ARHGAP15: variants seen among roughly 807,000 people sequenced by gnomAD.
The protein encoded by ARHGAP15 is rho GTPase-activating protein 15.
A neutral mutation model predicts 63.7 loss-of-function variants in ARHGAP15; 51 were observed. The ratio of observed to expected loss-of-function variants is 0.80; its 90% CI spans 0.64 to 1.01. The LOEUF is 1.01. ARHGAP15 is among the 50% of genes least tolerant of loss of function. The pLI is 0.00. For missense variants in ARHGAP15, 560 were observed against 564.6 expected (o/e 0.99, Z 0.08); for synonymous variants, 191 against 193.8 (o/e 0.99, Z 0.12).
intron 6 of ARHGAP15, among the ~76,000 whole-genome samples, chr2:143,361,172 A>C (rs145474598): frequency 0.012 from 1,762 of 152,308 alleles, 10 homozygotes; most frequent in Middle Eastern, 0.031. Flanking sequence ...CAAGCAAAAA[A>C]AAATTTTTTT....
intron 11 of ARHGAP15, among the ~76,000 whole-genome samples, chr2:143,620,549 GTTTA>G (rs1035253292): frequency 6.6e-6 from 1 of 152,080 alleles, no homozygotes; most frequent in African/African-American, 2.4e-5. Flanking sequence ...TGCAATTACT[GTTTA>G]TTTGCCTTTT....
chr2:143,382,962 A>C (rs1421556303), intron 6 of ARHGAP15, among the ~76,000 whole-genome samples: 1 of 152,194 alleles, frequency 6.6e-6, no homozygotes, highest in Non-Finnish European at 1.5e-5. Flanking sequence ...TCCTGACTTG[A>C]GAAAAGAAAA....
intron 8 of ARHGAP15, among the ~76,000 whole-genome samples, chr2:143,484,583 A>T (rs1418266159): frequency 1.3e-5 from 2 of 152,122 alleles, no homozygotes; most frequent in African/African-American, 4.8e-5. Flanking sequence ...CACAGGCCAT[A>T]TACATGTTAT....
intron 6 of ARHGAP15, among the ~76,000 whole-genome samples, chr2:143,417,886 A>C (rs1204277990): frequency 6.6e-6 from 1 of 152,238 alleles, no homozygotes; most frequent in African/African-American, 2.4e-5. Context: ...TTGTTTATGA[A>C]GAGTTTATAG....
intron 8 of ARHGAP15, among the ~76,000 whole-genome samples, chr2:143,475,837 G>T (rs1461414851): frequency 6.6e-6 from 1 of 152,240 alleles, no homozygotes; most frequent in Admixed American, 6.5e-5. Context: ...TGCAGTTTTA[G>T]AGGGGCTTTG....
chr2:143,606,142 T>C (rs1326145390), intron 11 of ARHGAP15, among the ~76,000 whole-genome samples: 1 of 151,286 alleles, frequency 6.6e-6, no homozygotes, highest in Non-Finnish European at 1.5e-5. Context: ...TATCCTTGGA[T>C]GCTTTCTTCA....
intron 6 of ARHGAP15, among the ~76,000 whole-genome samples, chr2:143,349,868 C>A (rs943602417): frequency 6.6e-6 from 1 of 152,112 alleles, no homozygotes; most frequent in Non-Finnish European, 1.5e-5. Flanking sequence ...CTACCTTACT[C>A]TCTTGTTTCT....
intron 6 of ARHGAP15, among the ~76,000 whole-genome samples, chr2:143,330,118 AAAAAAAAAAAAAACCAAAAAC>A (rs1558897864): frequency 4.8e-4 from 29 of 60,600 alleles, no homozygotes; most frequent in Admixed American, 7.5e-4. Flanking sequence ...AAAAAAAAAA[AAAAAAAAAAAAAACCAAAAAC>A]AAAAAACTAA....
chr2:143,178,087 C>G (rs1214445278), intron 2 of ARHGAP15, among the ~76,000 whole-genome samples: 2 of 152,074 alleles, frequency 1.3e-5, no homozygotes, highest in Non-Finnish European at 2.9e-5. Flanking sequence ...CTGTGTGTAA[C>G]TTGAAATGTG....
chr2:143,739,404 T>A (rs967244230), intron 13 of ARHGAP15, among the ~76,000 whole-genome samples: 2 of 152,116 alleles, frequency 1.3e-5, no homozygotes, highest in African/African-American at 4.8e-5. Flanking sequence ...TCCTGCTGCA[T>A]CCTGAAATCA....
At chr2:143,389,607 T>C (rs1687453831) in intron 6 of ARHGAP15, among the ~76,000 whole-genome samples, 1 of 152,178 alleles carries the variant, frequency 6.6e-6, no homozygotes, top group South Asian at 2.1e-4. Flanking sequence ...CACCTTTCTG[T>C]ATCACTGTTT....
chr2:143,621,387 T>C (rs1249325632), intron 11 of ARHGAP15, among the ~76,000 whole-genome samples: 5 of 150,968 alleles, frequency 3.3e-5, no homozygotes, highest in African/African-American at 1.2e-4. Context: ...TATGGTTAGT[T>C]CATCTTGAGG....
chr2:143,439,201 T>A (rs954561669), intron 8 of ARHGAP15, among the ~76,000 whole-genome samples: 1 of 149,196 alleles, frequency 6.7e-6, no homozygotes, highest in African/African-American at 2.5e-5. Context: ...GGCGGGTGGA[T>A]CACCTGAGGT....
At chr2:143,349,066 A>G (rs1236812711) in intron 6 of ARHGAP15, among the ~76,000 whole-genome samples, 2 of 152,178 alleles carry the variant, frequency 1.3e-5, no homozygotes, top group Non-Finnish European at 2.9e-5. Flanking sequence ...TAACATGTCA[A>G]AGGACTCTTA....
chr2:143,699,853 A>G (rs79378107), intron 12 of ARHGAP15, among the ~76,000 whole-genome samples: 19 of 152,318 alleles, frequency 1.2e-4, no homozygotes, highest in African/African-American at 4.3e-4. Flanking sequence ...TGCTTGGTAC[A>G]TTACATACTA....
intron 8 of ARHGAP15, among the ~76,000 whole-genome samples, chr2:143,485,113 T>G (rs1692265706): frequency 6.6e-6 from 1 of 152,236 alleles, no homozygotes; most frequent in South Asian, 2.1e-4. Flanking sequence ...CCGGGATACA[T>G]GTGCAGAGTG....
intron 1 of ARHGAP15, among the ~76,000 whole-genome samples, chr2:143,153,041 C>A (rs997445281): frequency 2.0e-5 from 3 of 151,950 alleles, no homozygotes; most frequent in African/African-American, 7.2e-5. Flanking sequence ...AGCCTTTTGA[C>A]AGTAGCATAT....
intron 6 of ARHGAP15, among the ~76,000 whole-genome samples, chr2:143,305,650 T>C (rs993545227): frequency 2.2e-4 from 34 of 152,042 alleles, no homozygotes; most frequent in Non-Finnish European, 2.6e-4. Context: ...AAATTAAATA[T>C]AATAGTGGTA....
chr2:143,399,045 G>T (rs1687889424), intron 6 of ARHGAP15, among the ~76,000 whole-genome samples: 1 of 151,986 alleles, frequency 6.6e-6, no homozygotes, highest in Non-Finnish European at 1.5e-5. Flanking sequence ...GTAGTGTTTT[G>T]AAATATAACT....
Sources: allele counts gnomAD v4.1 joint callset (sites outside exome capture counted in the v4.1 genomes callset), GRCh38; gene constraint gnomAD v4.1.1; transcripts MANE v1.5; gene names NCBI Gene and HGNC (gene_info 2026-07-23, HGNC 2026-07-21).